The following CSMD1 variants were observed in gnomAD, a reference collection of about 807,000 sequenced individuals.
CSMD1 encodes the protein CUB and Sushi multiple domains 1.
A neutral mutation model predicts 417.5 loss-of-function variants in CSMD1; 213 were observed. The observed-to-expected ratio is 0.51, with a 90% CI of 0.46 to 0.57. The LOEUF (loss-of-function observed/expected upper bound fraction) is 0.57. CSMD1 is among the 20% of genes least tolerant of loss of function. CSMD1 has a pLI of 0.00. For synonymous variants in CSMD1, 2,862 were observed against 1,736.8 expected (o/e 1.65, Z -16.11); for missense variants, 6,923 against 4,529.7 (o/e 1.53, Z -15.17).
chr8:3,939,141 G>A (rs368719305), intron 5 of CSMD1, among the ~76,000 whole-genome samples: 9 of 152,180 alleles, frequency 5.9e-5, no homozygotes, highest in East Asian at 3.9e-4. Context: ...TTCTTGCCCT[G>A]TGGAGAATAA....
At position 4,727,104 on chromosome 8, in the gene CSMD1, C is replaced by G. The variant is rs76819227; in HGVS notation, c.86-89546G>C. Among the ~76,000 whole-genome samples, 1,501 of 152,172 alleles carry G rather than the reference C, an allele frequency of 9.9e-3. 23 individuals are homozygous for G. Among genetic ancestry groups the G allele is most frequent in the African/African-American group, 0.03 (1,254 of 41,520 alleles). On this transcript the variant is annotated intron_variant, in intron 1 of 69. Coordinates refer to ENST00000635120, the MANE Select transcript of CSMD1 (RefSeq NM_033225.6). Reference sequence around the variant, plus strand: ...CTACCGGCTGAGTAGGGTGAGGAAGCTGAGGCCCTTCTGCAGCTGAATGTA... The same window carrying G: ...CTACCGGCTGAGTAGGGTGAGGAAGGTGAGGCCCTTCTGCAGCTGAATGTA...
At chr8:4,420,113 T>C (rs533717656) in intron 2 of CSMD1, 48 bp from the exon 3 acceptor site, 2 of 1,318,302 alleles carry the variant, frequency 1.5e-6, no homozygotes, top group Admixed American at 2.2e-5. Context: ...CATGAATTTG[T>C]CAAAAAAAGC....
At chr8:3,646,710 G>T (rs4376516) in intron 7 of CSMD1, among the ~76,000 whole-genome samples, 1 of 152,040 alleles carries the variant, frequency 6.6e-6, no homozygotes, top group African/African-American at 2.4e-5. Flanking sequence ...TCTAAACAGC[G>T]CTTTCGACCT....
At chr8:3,929,198 C>T (rs756899450) in intron 5 of CSMD1, among the ~76,000 whole-genome samples, 1 of 150,272 alleles carries the variant, frequency 6.7e-6, no homozygotes, top group Non-Finnish European at 1.5e-5. Flanking sequence ...AAAGCTCTTG[C>T]CTCTGCACAT....
At chr8:3,487,610 T>C (rs1008292088) in intron 11 of CSMD1, among the ~76,000 whole-genome samples, 4 of 152,184 alleles carry the variant, frequency 2.6e-5, no homozygotes, top group Non-Finnish European at 5.9e-5. Flanking sequence ...ATTTGGTGTA[T>C]AAATATTTAG....
intron 39 of CSMD1, among the ~76,000 whole-genome samples, chr8:3,152,850 C>G (rs942204464): frequency 2.6e-5 from 4 of 152,190 alleles, no homozygotes; most frequent in Admixed American, 6.5e-5. Flanking sequence ...GGAAGACACA[C>G]CAGCAAATCT....
intron 2 of CSMD1, among the ~76,000 whole-genome samples, chr8:4,611,425 C>A (rs1238835905): frequency 6.6e-6 from 1 of 152,150 alleles, no homozygotes; most frequent in Non-Finnish European, 1.5e-5. Context: ...GTTTTAAACT[C>A]CACTGCCATA....
chr8:4,747,778 T>C (rs1044574008), intron 1 of CSMD1, among the ~76,000 whole-genome samples: 9 of 152,294 alleles, frequency 5.9e-5, no homozygotes, highest in Admixed American at 4.6e-4. Flanking sequence ...AAGCCTGGGA[T>C]AGAGGCTAAA....
intron 25 of CSMD1, among the ~76,000 whole-genome samples, chr8:3,288,986 C>A (rs1225026642): frequency 7.0e-6 from 1 of 143,494 alleles, no homozygotes; most frequent in Non-Finnish European, 1.5e-5. Context: ...CTCCCCCTAC[C>A]CCACAACAGT....
chr8:3,190,140 C>G (rs1171379242), intron 33 of CSMD1, 25 bp from the exon 34 acceptor site: 4 of 1,543,450 alleles, frequency 2.6e-6, no homozygotes, highest in Non-Finnish European at 3.5e-6. Flanking sequence ...CAGAACACAG[C>G]CGTCTGTATC....
At chr8:3,924,469 T>G (rs1809498538) in intron 5 of CSMD1, among the ~76,000 whole-genome samples, 1 of 152,184 alleles carries the variant, frequency 6.6e-6, no homozygotes, top group Non-Finnish European at 1.5e-5. Context: ...CTTTCTCTGT[T>G]TCTTCTGAGA....
chr8:3,215,675 G>A (rs1417498198), intron 29 of CSMD1, among the ~76,000 whole-genome samples: 3 of 152,146 alleles, frequency 2.0e-5, no homozygotes, highest in Non-Finnish European at 4.4e-5. Context: ...TTATCTTCTG[G>A]TAGCCTTAAT....
chr8:4,858,367 C>T (rs868083094), intron 1 of CSMD1, among the ~76,000 whole-genome samples: 13 of 151,584 alleles, frequency 8.6e-5, no homozygotes, highest in Admixed American at 2.6e-4. Flanking sequence ...GACAGGGATG[C>T]CCTCTCTCAC....
At chr8:3,759,926 A>G (rs906310209) in intron 5 of CSMD1, among the ~76,000 whole-genome samples, 1 of 132,332 alleles carries the variant, frequency 7.6e-6, no homozygotes, top group South Asian at 2.5e-4. Flanking sequence ...AAAAAAAAAA[A>G]TGAGGAACGG....
At chr8:3,265,089 T>A (rs952327886) in intron 26 of CSMD1, among the ~76,000 whole-genome samples, 24 of 152,212 alleles carry the variant, frequency 1.6e-4, no homozygotes, top group African/African-American at 5.5e-4. Flanking sequence ...GTTGAATAGC[T>A]GCTCTTGTAG....
At chr8:3,771,785 A>G (rs1248480293) in intron 5 of CSMD1, among the ~76,000 whole-genome samples, 1 of 152,130 alleles carries the variant, frequency 6.6e-6, no homozygotes, top group Non-Finnish European at 1.5e-5. Flanking sequence ...CCATTGCAGG[A>G]AAGAACTCTG....
chr8:4,680,199 T>C (rs1447387600), intron 1 of CSMD1, among the ~76,000 whole-genome samples: 3 of 152,196 alleles, frequency 2.0e-5, no homozygotes, highest in Non-Finnish European at 4.4e-5. Context: ...TCAGATCTAA[T>C]TGTGTTCTGC....
chr8:4,470,603 T>A (rs1800472093), intron 2 of CSMD1, among the ~76,000 whole-genome samples: 1 of 152,244 alleles, frequency 6.6e-6, no homozygotes, highest in African/African-American at 2.4e-5. Context: ...AACACTGGTC[T>A]AAGAGCTCAT....
At chr8:3,071,020 G>C (rs1414473326) in intron 49 of CSMD1, among the ~76,000 whole-genome samples, 7 of 152,198 alleles carry the variant, frequency 4.6e-5, no homozygotes, top group Non-Finnish European at 1.0e-4. Flanking sequence ...GAAGGCCAAG[G>C]GGGAATAACC....
Sources: gnomAD v4.1 joint callset for allele counts (sites outside exome capture counted in the v4.1 genomes callset) on GRCh38, gnomAD v4.1.1 for gene constraint, MANE v1.5 for transcripts, NCBI Gene and HGNC (gene_info 2026-07-23, HGNC 2026-07-21) for gene names.